Variants in MAK observed in about 807,000 individuals in gnomAD.
The protein encoded by MAK is serine/threonine-protein kinase MAK.
Under a neutral mutation model 82.6 loss-of-function variants are expected in MAK, and 65 were observed. The observed-to-expected ratio is 0.79, with a 90% CI of 0.64 to 0.97. The LOEUF is 0.97. Ranked by LOEUF, MAK falls within the 50% of genes least tolerant of loss-of-function variation. MAK has a pLI of 0.00. For missense variants in MAK, 703 were observed against 780.2 expected (o/e 0.90, Z 1.18); for synonymous variants, 250 against 274.2 (o/e 0.91, Z 0.87).
chr6:10,801,840 A>T, intron 8 of MAK, 52 bp downstream of exon 8: 1 of 1,554,838 alleles, frequency 6.4e-7, no homozygotes, highest in South Asian at 1.1e-5. Context: ...AACATCCCTG[A>T]TATTACAAAA....
chr6:10,819,901 A>G (rs1230282841), intron 2 of MAK, among the ~76,000 whole-genome samples: 3 of 152,024 alleles, frequency 2.0e-5, no homozygotes, highest in Non-Finnish European at 4.4e-5. Flanking sequence ...TCATGAGGTC[A>G]GGAGATCGAG....
chr6:10,775,590 G>T, intron 11 of MAK, 131 bp from the exon 12 acceptor site: 1 of 1,021,466 alleles, frequency 9.8e-7, no homozygotes, highest in Non-Finnish European at 1.5e-6. Context: ...AGGTGAAAAT[G>T]TAGCAGATAC....
At chr6:10,795,899 C>G in intron 9 of MAK, 99 bp downstream of exon 9, 2 of 1,343,706 alleles carry the variant, frequency 1.5e-6, no homozygotes, top group Non-Finnish European at 2.1e-6. Flanking sequence ...AAAGAAAAAT[C>G]TTTTATATCT....
intron 14 of MAK, among the ~76,000 whole-genome samples, chr6:10,767,366 G>A (rs1402533564): frequency 6.6e-6 from 1 of 152,126 alleles, no homozygotes; most frequent in Non-Finnish European, 1.5e-5. Flanking sequence ...ACAGGATCCT[G>A]CACTTCTAAA....
chr6:10,795,302 T>TGTG (rs1775439309), intron 9 of MAK, among the ~76,000 whole-genome samples: 1 of 150,308 alleles, frequency 6.7e-6, no homozygotes, highest in African/African-American at 2.5e-5. Context: ...ATTAGCTGGG[T>TGTG]GTGGTGGTGG....
At chr6:10,782,273 C>T (rs1013322701) in intron 11 of MAK, among the ~76,000 whole-genome samples, 1 of 151,710 alleles carries the variant, frequency 6.6e-6, no homozygotes, top group Admixed American at 6.6e-5. Context: ...AACTATTTAA[C>T]CTATTTAGAT....
In MAK at chr6:10,776,996, C is replaced by G. The variant is rs935287547; in HGVS notation, c.1466-1537G>C. Among the ~76,000 whole-genome samples the G allele has an allele frequency of 6.6e-6, 1 of 151,254 alleles. No homozygotes were observed. The highest frequency in any genetic ancestry group is 6.6e-5 in the Admixed American group (1 of 15,142). ...TGGGAGGCAGAGGTTGTGGTGAGCC[C>G]GAGATCGCACCACTGCACTCTAGCC... On this transcript the variant is annotated intron_variant, in intron 11 of 14. Transcript: ENST00000354489. This position sits in a 1 kb window ranked among gnomAD's most constrained non-coding sequence, Gnocchi z 4.3.
At chr6:10,774,564 G>A (rs1157166223) in intron 12 of MAK, among the ~76,000 whole-genome samples, 2 of 151,796 alleles carry the variant, frequency 1.3e-5, no homozygotes, top group Non-Finnish European at 1.5e-5. Context: ...TTCTTCAAAC[G>A]CTCTTCAAAA....
At chr6:10,791,549 G>C in intron 10 of MAK, 126 bp downstream of exon 10, 4 of 842,666 alleles carry the variant, frequency 4.7e-6, no homozygotes, top group Non-Finnish European at 5.7e-6. Context: ...TTACAGGCCT[G>C]AGCCACTACA....
intron 8 of MAK, among the ~76,000 whole-genome samples, chr6:10,797,267 A>T (rs891408556): frequency 1.3e-5 from 2 of 152,240 alleles, no homozygotes; most frequent in African/African-American, 4.8e-5. Context: ...TATCTAGATC[A>T]GTCACCTGAC....
At position 10,813,139 on chromosome 6, in the gene MAK, T is replaced by A. The variant is rs1413914997; in HGVS notation, c.358+505A>T. 2.1e-3 allele frequency among the ~76,000 whole-genome samples: 23 copies of A among 10,958 alleles called. 1 individual carries two copies. The highest frequency in any genetic ancestry group is 0.015 in the African/African-American group (21 of 1,422). The allele number at this position is 10,958 out of a possible 152,430, so 7.2% of individuals were successfully genotyped here. A position where few individuals can be genotyped will look rare whatever the true frequency, so the allele number is the denominator to read the frequency against. On this transcript the variant is annotated intron_variant, in intron 5 of 14. Transcript: ENST00000354489. ...ATATATATATATATATATATAAATT[T>A]TTTTTTTTTTTTTTTTTTTTTTTTT...
chr6:10,810,345 C>CTTTTTTTTTTTTT (rs111859354), intron 5 of MAK, among the ~76,000 whole-genome samples: 60 of 121,644 alleles, frequency 4.9e-4, no homozygotes, highest in Non-Finnish European at 6.8e-4. Context: ...TTATCTTTTT[C>CTTTTTTTTTTTTT]TTTTTTTTTT....
At position 10,770,171 on chromosome 6, in the gene MAK, T is replaced by C; in HGVS notation, c.1732A>G (p.Lys578Glu). 1 of 1,614,156 alleles carries C rather than the reference T, an allele frequency of 6.2e-7. No individual in the cohort carries two copies. The highest frequency in any genetic ancestry group is 1.1e-5 in the South Asian group (1 of 91,076). ...QSGYIPSFLK[K>E]EVQSAGQRIH... Reference sequence around the variant, plus strand: ...CTCTGGCCAGCTGACTGCACTTCTTTTTTGAGAAAGGAAGGAATATATCCT... The same window carrying C: ...CTCTGGCCAGCTGACTGCACTTCTTCTTTGAGAAAGGAAGGAATATATCCT... The change falls in exon 14 of 15, where the codon AAA becomes GAA. Residue 578 changes from lysine (K) to glutamate (E), a missense_variant. Lys to Glu is a moderately conservative substitution (Grantham distance 56). Coordinates refer to ENST00000354489, the MANE Select transcript of MAK (RefSeq NM_001242957.3).
chr6:10,774,529 GT>G (rs1381761026), intron 12 of MAK, among the ~76,000 whole-genome samples: 1 of 152,076 alleles, frequency 6.6e-6, no homozygotes, highest in Non-Finnish European at 1.5e-5. Context: ...AACAAAAGCG[GT>G]TTTGTGATAG....
rs1772092205 is a variant in MAK, at chr6:10,763,028, T to C, written c.*1424A>G. 1 of 152,666 alleles carries C rather than the reference T, an allele frequency of 6.6e-6. No homozygotes were observed. Among genetic ancestry groups the C allele is most frequent in the African/African-American group, 2.4e-5 (1 of 41,462 alleles). The allele number at this position is 152,666 out of a possible 1,614,324, so 9.5% of individuals were successfully genotyped here. On this transcript the variant is annotated 3_prime_UTR_variant, in exon 15 of 15. Transcript: ENST00000354489. Reference sequence around the variant, plus strand: ...AAAATCTCAGCAGTTGGTAACATTATTATTCTTTAAAAAGAATTTACAGTA... The same window carrying C: ...AAAATCTCAGCAGTTGGTAACATTACTATTCTTTAAAAAGAATTTACAGTA...
At chr6:10,777,034 T>C (rs1326792890) in intron 11 of MAK, among the ~76,000 whole-genome samples, 1 of 147,230 alleles carries the variant, frequency 6.8e-6, no homozygotes, top group African/African-American at 2.5e-5. Context: ...GGCAACAGAG[T>C]GAGACTCCAT....
At chr6:10,799,288 T>C (rs1775828582) in intron 8 of MAK, among the ~76,000 whole-genome samples, 1 of 152,254 alleles carries the variant, frequency 6.6e-6, no homozygotes, top group African/African-American at 2.4e-5. Flanking sequence ...ATCTCATTTC[T>C]ACTTGCATTT....
chr6:10,820,971 C>A (rs746216186), intron 2 of MAK, among the ~76,000 whole-genome samples: 5 of 152,040 alleles, frequency 3.3e-5, no homozygotes, highest in Admixed American at 6.6e-5. Flanking sequence ...TTTTTTGAGA[C>A]ATGGTCTCAT....
At chr6:10,791,969 G>A in intron 9 of MAK, 122 bp from the exon 10 acceptor site, 1 of 989,600 alleles carries the variant, frequency 1.0e-6, no homozygotes, top group South Asian at 1.3e-5. Context: ...ATACATGTAA[G>A]GGCATAACAT....
Sources: allele counts gnomAD v4.1 joint callset (sites outside exome capture counted in the v4.1 genomes callset), GRCh38; gene constraint gnomAD v4.1.1; non-coding constraint Gnocchi (gnomAD v3.1); transcripts MANE v1.5; gene names NCBI Gene and HGNC (gene_info 2026-07-23, HGNC 2026-07-21).